PDE6D: variants seen among roughly 807,000 people sequenced by gnomAD.
The protein encoded by PDE6D is phosphodiesterase 6D.
In PDE6D, 10 loss-of-function variants were observed where a neutral mutation model predicts 21.9. The ratio of observed to expected loss-of-function variants is 0.46; its 90% CI spans 0.28 to 0.78. PDE6D has a LOEUF of 0.78. Ranked by LOEUF, PDE6D falls within the 30% of genes least tolerant of loss-of-function variation. The pLI is 0.12. For synonymous variants in PDE6D, 59 were observed against 63.5 expected, an observed-to-expected ratio of 0.93 and a Z score of 0.34; for missense variants, 139 against 184.8, an observed-to-expected ratio of 0.75 and a Z score of 1.44.
At position 231,734,851 on chromosome 2, in the gene PDE6D, A is replaced by AC. The variant is rs770481871; in HGVS notation, c.372-1819_372-1818insG. Among the ~76,000 whole-genome samples, 176 of 145,502 alleles carry AC rather than the reference A, an allele frequency of 1.2e-3. 2 individuals carry two copies. The highest frequency in any genetic ancestry group is 9.7e-3 in the Admixed American group (143 of 14,750). On this transcript the variant is annotated intron_variant, in intron 4 of 4. Coordinates refer to ENST00000287600, the MANE Select transcript of PDE6D (RefSeq NM_002601.4). The stretch of plus-strand genomic sequence containing the variant: ...GACAGAGCGAGACTCCGTCTCAAAA[A>AC]AAAAAACAAAAAAAAAAACCCCAAA...
At chr2:231,750,501 T>C (rs995954551) in intron 1 of PDE6D, among the ~76,000 whole-genome samples, 10 of 149,424 alleles carry the variant, frequency 6.7e-5, no homozygotes, top group African/African-American at 2.2e-4. Flanking sequence ...TTTTTTTTTT[T>C]AGACAGAGTC....
At chr2:231,756,789 G>T (rs553742349) in intron 1 of PDE6D, among the ~76,000 whole-genome samples, 1 of 151,408 alleles carries the variant, frequency 6.6e-6, no homozygotes, top group East Asian at 1.9e-4. Context: ...TCCAGCCACA[G>T]GTTGCAATCC....
At chr2:231,734,685 T>TAAA (rs534122829) in intron 4 of PDE6D, among the ~76,000 whole-genome samples, 1 of 132,260 alleles carries the variant, frequency 7.6e-6, no homozygotes, top group Admixed American at 7.5e-5. Context: ...ACTAAAAATA[T>TAAA]AAAAAAAAAA....
In PDE6D at chr2:231,781,097, C is replaced by T. The variant is rs762327008; in HGVS notation, c.18G>A (p.Glu6=). 2 of 1,613,530 alleles carry T rather than the reference C, an allele frequency of 1.2e-6. No homozygotes were observed. The highest frequency in any genetic ancestry group is 2.2e-5 in the South Asian group (2 of 91,064). The part of the protein sequence containing the change: MSAKD[E]RAREILRGFK... The stretch of plus-strand genomic sequence containing the variant: ...AGCCCCTCAGGATCTCCCTGGCCCG[C>T]TCGTCCTTGGCTGACATGATGCGGC... The change falls in exon 1 of 5, where the codon GAG becomes GAA. Residue 6 remains glutamate (E), a synonymous_variant. Transcript: ENST00000287600.
chr2:231,743,428 CAAAAAAAAAA>C (rs34916848), intron 1 of PDE6D, among the ~76,000 whole-genome samples: 1 of 59,032 alleles, frequency 1.7e-5, no homozygotes, highest in Non-Finnish European at 3.8e-5. Flanking sequence ...GATTCCGTCT[CAAAAAAAAAA>C]AAAAAAAAAA....
Position 231,732,783 on chromosome 2 carries a change from C to T in PDE6D, c.*169G>A. On this transcript the variant is annotated 3_prime_UTR_variant, in exon 5 of 5. Transcript: ENST00000287600. ...AAGATGGTGGCTTGGGAAAAAGAGC[C>T]ATCTGGTTACCTACACAGAGCTGGT... 4 of 578,834 alleles carry T rather than the reference C, an allele frequency of 6.9e-6. No individual in the cohort carries two copies. In the South Asian group the frequency reaches 8.4e-5, roughly 12 times the overall value. 35.9% of individuals were successfully genotyped at this position (578,834 alleles called of 1,614,324 possible). A position where few individuals can be genotyped will look rare whatever the true frequency, so the allele number is the denominator to read the frequency against.
Position 231,739,252 on chromosome 2 carries a change from GTC to G in PDE6D, c.51-66_51-65del. ...GTGACTCCCACTTTGTATTCTAGGT[GTC>G]TCATGTTTACTCCCACCAACTCTTG... On this transcript the variant is annotated intron_variant, in intron 1 of 4. Transcript: ENST00000287600. The surrounding 1 kb of genome is among the most constrained non-coding windows in gnomAD (Gnocchi z 4.2). 9.9e-7 allele frequency: 1 copy of G among 1,005,652 alleles called. No individual in the cohort carries two copies. Among genetic ancestry groups the G allele is most frequent in the Non-Finnish European group, 1.6e-6 (1 of 625,748 alleles). The allele number at this position is 1,005,652 out of a possible 1,614,324, so 62.3% of individuals were successfully genotyped here.
Position 231,781,047 on chromosome 2 carries a change from C to T in PDE6D, c.50+18G>A, listed in dbSNP as rs747869732. The stretch of plus-strand genomic sequence containing the variant: ...CCTCCCAAGTCCTCCCGGCCCCGCC[C>T]CGCTCCCGGACGGATACAGTTTGAA... On this transcript the variant is annotated intron_variant, in intron 1 of 4. Coordinates refer to ENST00000287600, the MANE Select transcript of PDE6D (RefSeq NM_002601.4). The T allele has an allele frequency of 1.1e-5, 18 of 1,610,518 alleles. No homozygotes were observed. Among genetic ancestry groups the T allele is most frequent in the Non-Finnish European group, 1.5e-5 (18 of 1,177,502 alleles).
chr2:231,744,577 G>C (rs10168868), intron 1 of PDE6D, among the ~76,000 whole-genome samples: 11,493 of 151,960 alleles, frequency 0.076, 1,373 homozygotes, highest in African/African-American at 0.25. Flanking sequence ...GGGATTACAG[G>C]CATGCGCCAC....
rs758184957 is a variant in PDE6D, at chr2:231,781,054, C to G, written c.50+11G>C. On this transcript the variant is annotated intron_variant, in intron 1 of 4. Coordinates refer to ENST00000287600, the MANE Select transcript of PDE6D (RefSeq NM_002601.4). Reference sequence around the variant, plus strand: ...AGTCCTCCCGGCCCCGCCCCGCTCCCGGACGGATACAGTTTGAAGCCCCTC... The same window carrying G: ...AGTCCTCCCGGCCCCGCCCCGCTCCGGGACGGATACAGTTTGAAGCCCCTC... 4 of 1,611,628 alleles carry G rather than the reference C, an allele frequency of 2.5e-6. No homozygotes were observed. The highest frequency in any genetic ancestry group is 3.4e-6 in the Non-Finnish European group (4 of 1,178,474).
chr2:231,769,230 A>G (rs2048996310), intron 1 of PDE6D, among the ~76,000 whole-genome samples: 1 of 152,230 alleles, frequency 6.6e-6, no homozygotes, highest in Non-Finnish European at 1.5e-5. Context: ...GATTCTGTTA[A>G]CAAATGTCTG....
intron 1 of PDE6D, among the ~76,000 whole-genome samples, chr2:231,766,345 G>A (rs986265401): frequency 2.0e-5 from 3 of 152,126 alleles, no homozygotes; most frequent in African/African-American, 4.8e-5. Flanking sequence ...AAACAATAAC[G>A]CAAACCTTTC....
chr2:231,769,908 C>T (rs916750546), intron 1 of PDE6D, among the ~76,000 whole-genome samples: 3 of 152,190 alleles, frequency 2.0e-5, no homozygotes, highest in Non-Finnish European at 4.4e-5. Flanking sequence ...GTTCTATAAG[C>T]TACCCACAAT....
intron 1 of PDE6D, among the ~76,000 whole-genome samples, chr2:231,775,267 T>C (rs1053212529): frequency 1.3e-5 from 2 of 151,942 alleles, no homozygotes; most frequent in African/African-American, 2.4e-5. Context: ...ACATATATAT[T>C]ATCAATCTTT....
chr2:231,780,528 G>A (rs2049103561), intron 1 of PDE6D, among the ~76,000 whole-genome samples: 1 of 152,174 alleles, frequency 6.6e-6, no homozygotes, highest in African/African-American at 2.4e-5. Flanking sequence ...GAAACCAGAC[G>A]GGGGTGGGGT....
At chr2:231,736,191 C>T (rs894928752) in intron 4 of PDE6D, among the ~76,000 whole-genome samples, 5 of 152,056 alleles carry the variant, frequency 3.3e-5, no homozygotes, top group Non-Finnish European at 7.4e-5. Flanking sequence ...ATAAAATAAA[C>T]AAAACCCAAA....
At chr2:231,766,810 A>G (rs2048974515) in intron 1 of PDE6D, among the ~76,000 whole-genome samples, 1 of 151,970 alleles carries the variant, frequency 6.6e-6, no homozygotes, top group African/African-American at 2.4e-5. Context: ...AGTCTGGCCA[A>G]CTGAAACCCT....
At chr2:231,743,153 T>C (rs930459654) in intron 1 of PDE6D, among the ~76,000 whole-genome samples, 1 of 151,646 alleles carries the variant, frequency 6.6e-6, no homozygotes, top group Non-Finnish European at 1.5e-5. Flanking sequence ...CGGCTGGGCG[T>C]CGTGGCTCAC....
chr2:231,780,638 G>T (rs1450175929), intron 1 of PDE6D, among the ~76,000 whole-genome samples: 1 of 151,922 alleles, frequency 6.6e-6, no homozygotes, highest in East Asian at 1.9e-4. Flanking sequence ...CGCTCCCCGG[G>T]TAGGCTTATA....
Sources: gnomAD v4.1 joint callset for allele counts (sites outside exome capture counted in the v4.1 genomes callset) on GRCh38, gnomAD v4.1.1 for gene constraint, Gnocchi (gnomAD v3.1) non-coding constraint, MANE v1.5 for transcripts, NCBI Gene and HGNC (gene_info 2026-07-23, HGNC 2026-07-21) for gene names.